EXOC5: variants seen among roughly 807,000 people sequenced by gnomAD.
EXOC5 encodes the protein exocyst complex component 5.
In EXOC5, 17 loss-of-function variants were observed where a neutral mutation model predicts 90.8. That is an observed-to-expected ratio of 0.19 (90% CI 0.13 to 0.28). The LOEUF (loss-of-function observed/expected upper bound fraction) is 0.28. EXOC5 is among the 10% of genes least tolerant of loss of function. The pLI is 1.00. For synonymous variants in EXOC5, 260 were observed against 270.0 expected (o/e 0.96, Z 0.36); for missense variants, 569 against 830.6 (o/e 0.69, Z 3.87).
rs1477438673 is a variant in EXOC5 at position 57,203,542 on chromosome 14, T to C, written c.*5067A>G. The C allele has an allele frequency of 6.6e-6, 1 of 152,630 alleles. No individual in the cohort carries two copies. The highest frequency in any genetic ancestry group is 1.5e-5 in the Non-Finnish European group (1 of 68,040). The allele number at this position is 152,630 out of a possible 1,614,324, so 9.5% of individuals were successfully genotyped here. ...CAGTGGTGAAAACAAAGAAAGTCACTCATTGGAACTATAAATGAAACTTAG... is the reference window on the plus strand; with the variant it reads ...CAGTGGTGAAAACAAAGAAAGTCACCCATTGGAACTATAAATGAAACTTAG... On this transcript the variant is annotated 3_prime_UTR_variant, in exon 18 of 18. Transcript: ENST00000621441.
rs1882491016 is a variant in EXOC5 at position 57,201,298 on chromosome 14, A to C, written c.*7311T>G. The stretch of plus-strand genomic sequence containing the variant: ...AACATGCCAAAACGACACAGGAGAC[A>C]ACCTGAAGAGGCTACTTCTGACCAA... On this transcript the variant is annotated 3_prime_UTR_variant, in exon 18 of 18. Transcript: ENST00000621441. 6.6e-6 allele frequency: 1 copy of C among 151,884 alleles called. No individual in the cohort carries two copies. The highest frequency in any genetic ancestry group is 1.5e-5 in the Non-Finnish European group (1 of 67,994). The allele number at this position is 151,884 out of a possible 1,614,324, so 9.4% of individuals were successfully genotyped here.
In EXOC5 at chr14:57,240,672, A is replaced by G. The variant is rs1002612812; in HGVS notation, c.466-1013T>C. The stretch of plus-strand genomic sequence containing the variant: ...AATGCAGATATCTGTGCTTATTTAC[A>G]CAACAGTTCAGGGGAGTTTACAATG... On this transcript the variant is annotated intron_variant, in intron 4 of 17. Transcript: ENST00000621441. Among the ~76,000 whole-genome samples, 3 of 152,170 alleles carry G rather than the reference A, an allele frequency of 2.0e-5. No homozygotes were observed. The East Asian group carries it at 5.8e-4, about 29-fold the overall frequency.
rs965719702 is a variant in EXOC5 at position 57,203,992 on chromosome 14, G to A, written c.*4617C>T. 2 of 152,510 alleles carry A rather than the reference G, an allele frequency of 1.3e-5. No homozygotes were observed. Among genetic ancestry groups the A allele is most frequent in the African/African-American group, 4.8e-5 (2 of 41,428 alleles). The allele number at this position is 152,510 out of a possible 1,614,324, so 9.4% of individuals were successfully genotyped here. A position where few individuals can be genotyped will look rare whatever the true frequency, so the allele number is the denominator to read the frequency against. On this transcript the variant is annotated 3_prime_UTR_variant, in exon 18 of 18. Coordinates refer to ENST00000621441, the MANE Select transcript of EXOC5 (RefSeq NM_006544.4). ...CCTTCTGAATAAATGACTTTCCTCT[G>A]AGGTTGACTGCTATGTGAAGTATGA...
intron 1 of EXOC5, among the ~76,000 whole-genome samples, chr14:57,261,815 G>C (rs1884510328): frequency 6.6e-6 from 1 of 152,140 alleles, no homozygotes. Context: ...TCTTTCAAAG[G>C]GCTGCATGGG....
chr14:57,227,313 A>AAAGT (rs1170805190), intron 12 of EXOC5, among the ~76,000 whole-genome samples: 4 of 152,198 alleles, frequency 2.6e-5, no homozygotes, highest in Non-Finnish European at 5.9e-5. Context: ...CAGTCATATC[A>AAAGT]ATACTAAGTA....
At chr14:57,257,857 T>C (rs1884396792) in intron 1 of EXOC5, among the ~76,000 whole-genome samples, 1 of 152,082 alleles carries the variant, frequency 6.6e-6, no homozygotes, top group South Asian at 2.1e-4. Flanking sequence ...TCTCAAACAA[T>C]TCCCTGTAAT....
In EXOC5 at chr14:57,202,765, T is replaced by C. The variant is rs1460572109; in HGVS notation, c.*5844A>G. Reference sequence around the variant, plus strand: ...TTCTCATGCAAGACTTTCAGAATCTTGTTTACACACATGCACACACACACA... The same window carrying C: ...TTCTCATGCAAGACTTTCAGAATCTCGTTTACACACATGCACACACACACA... On this transcript the variant is annotated 3_prime_UTR_variant, in exon 18 of 18. Coordinates refer to ENST00000621441, the MANE Select transcript of EXOC5 (RefSeq NM_006544.4). 1.3e-5 allele frequency: 2 copies of C among 152,236 alleles called. No homozygotes were observed. Among genetic ancestry groups the C allele is most frequent in the Non-Finnish European group, 2.9e-5 (2 of 68,036 alleles). 9.4% of individuals were successfully genotyped at this position (152,236 alleles called of 1,614,324 possible).
chr14:57,242,808 CA>C (rs1267193660), intron 4 of EXOC5, among the ~76,000 whole-genome samples: 1 of 151,992 alleles, frequency 6.6e-6, no homozygotes, highest in Non-Finnish European at 1.5e-5. Flanking sequence ...AGAACTAGGC[CA>C]AAAATTAATT....
intron 15 of EXOC5, among the ~76,000 whole-genome samples, chr14:57,215,459 C>G (rs549040922): frequency 1.3e-5 from 2 of 151,048 alleles, no homozygotes; most frequent in Admixed American, 1.3e-4. Context: ...CTGAAAGGAT[C>G]ATACACCATA....
At chr14:57,225,326 T>C (rs929170925) in intron 12 of EXOC5, among the ~76,000 whole-genome samples, 1 of 152,134 alleles carries the variant, frequency 6.6e-6, no homozygotes, top group African/African-American at 2.4e-5. Flanking sequence ...GATAAAATAA[T>C]TTTCTCAATC....
chr14:57,223,168 A>G (rs1055594050), intron 12 of EXOC5, among the ~76,000 whole-genome samples: 8 of 152,134 alleles, frequency 5.3e-5, no homozygotes, highest in Non-Finnish European at 1.0e-4. Flanking sequence ...CAGTATTTGC[A>G]CATAGTGAGC....
At chr14:57,240,236 G>C (rs1385168635) in intron 4 of EXOC5, among the ~76,000 whole-genome samples, 2 of 146,362 alleles carry the variant, frequency 1.4e-5, no homozygotes, top group African/African-American at 2.6e-5. Flanking sequence ...TTGAGACAGA[G>C]TTTCACTCTT....
chr14:57,246,760 T>C lies in EXOC5; in HGVS notation c.221A>G (p.Glu74Gly). Residue 74 changes from glutamate to glycine, a missense_variant, in exon 3 of 18, where the codon GAA becomes GGA. Physicochemically the swap from Glu to Gly is moderately conservative, Grantham distance 98. Around this residue, in one of 9 missense-constraint regions of EXOC5, gnomAD observed 45 missense variants for 44.6 expected, o/e 1.01. Transcript: ENST00000621441. ...TACCTTCTTGGCAAATTCCTTGGCT[T>C]CTTTCTGACATTGTTGCTCTAGTTT... ...VEKLEQQCQK[E>G]AKEFAKKVQE... The C allele has an allele frequency of 6.2e-7, 1 of 1,611,130 alleles. No individual in the cohort carries two copies. Among genetic ancestry groups the C allele is most frequent in the Non-Finnish European group, 8.5e-7 (1 of 1,179,302 alleles).
At chr14:57,226,900 A>G (rs1883324308) in intron 12 of EXOC5, among the ~76,000 whole-genome samples, 1 of 152,206 alleles carries the variant, frequency 6.6e-6, no homozygotes, top group African/African-American at 2.4e-5. Flanking sequence ...AAACTTTGTA[A>G]CCTTTGGTTA....
chr14:57,219,044 T>C (rs1883052070), intron 14 of EXOC5, among the ~76,000 whole-genome samples: 1 of 152,076 alleles, frequency 6.6e-6, no homozygotes, highest in Non-Finnish European at 1.5e-5. Flanking sequence ...GAGGTCCTCT[T>C]TCACATGAGA....
chr14:57,260,434 T>G (rs1228214612), intron 1 of EXOC5, among the ~76,000 whole-genome samples: 2 of 152,224 alleles, frequency 1.3e-5, no homozygotes, highest in Non-Finnish European at 2.9e-5. Context: ...CCCTTTAAAC[T>G]ATGAAATTAG....
Position 57,208,704 on chromosome 14 carries a change from C to G in EXOC5, c.2032G>C (p.Glu678Gln). The G allele has an allele frequency of 5.0e-6, 8 of 1,611,688 alleles. No individual in the cohort carries two copies. Among genetic ancestry groups the G allele is most frequent in the Non-Finnish European group, 5.9e-6 (7 of 1,178,164 alleles). ...PDNLKQVCSG[E>Q]QLANLDKNIL... ...TTCTTGTCCAGATTAGCAAGTTGTT[C>G]TCCTGAGCAGACTTGCTTTAAATTA... Residue 678 changes from glutamate (E) to glutamine (Q), a missense_variant, in exon 18 of 18, where the codon GAA (glutamate) becomes CAA (glutamine). This residue lies in a region of EXOC5 where 122 missense variants were observed against 180.0 expected (regional missense o/e 0.68). Transcript: ENST00000621441.
chr14:57,205,705 A>G lies in EXOC5; in HGVS notation c.*2904T>C, dbSNP rs1882630459. 2.8e-6 allele frequency: 1 copy of G among 354,128 alleles called. No individual in the cohort carries two copies. Among genetic ancestry groups the G allele is most frequent in the Admixed American group, 4.1e-5 (1 of 24,128 alleles). The allele number at this position is 354,128 out of a possible 1,614,324, so 21.9% of individuals were successfully genotyped here. A position where few individuals can be genotyped will look rare whatever the true frequency, so the allele number is the denominator to read the frequency against. Reference sequence around the variant, plus strand: ...TTAAATTATTTCACTGTGAACCAGAAGGCTAGTATTTAGAAAGCAAAATAT... The same window carrying G: ...TTAAATTATTTCACTGTGAACCAGAGGGCTAGTATTTAGAAAGCAAAATAT... On this transcript the variant is annotated 3_prime_UTR_variant, in exon 18 of 18. Transcript: ENST00000621441.
At chr14:57,244,501 T>C (rs1286088101) in intron 3 of EXOC5, 142 bp from the exon 4 acceptor site, 1 of 652,172 alleles carries the variant, frequency 1.5e-6, no homozygotes, top group Non-Finnish European at 2.6e-6. Context: ...TAGTGTGACA[T>C]GATCTGAAAA....
Sources: allele counts gnomAD v4.1 joint callset (sites outside exome capture counted in the v4.1 genomes callset), GRCh38; gene constraint gnomAD v4.1.1; regional missense constraint gnomAD v4.1.1; transcripts MANE v1.5; gene names NCBI Gene and HGNC (gene_info 2026-07-23, HGNC 2026-07-21).